BCAS4: variants seen among roughly 807,000 people sequenced by gnomAD.
BCAS4 encodes the protein breast carcinoma-amplified sequence 4.
In BCAS4, 9 loss-of-function variants were observed where a neutral mutation model predicts 15.7. That is an observed-to-expected ratio of 0.57 (90% CI 0.34 to 1.00). BCAS4 has a LOEUF of 1.00. Ranked by LOEUF, BCAS4 falls within the 50% of genes least tolerant of loss-of-function variation. The pLI is 0.02. For synonymous variants in BCAS4, 101 were observed against 99.5 expected, an observed-to-expected ratio of 1.02 and a Z score of -0.09; for missense variants, 225 against 239.1, an observed-to-expected ratio of 0.94 and a Z score of 0.39.
chr20:50,852,624 C>T (rs578087139), intron 4 of BCAS4, among the ~76,000 whole-genome samples: 259 of 152,020 alleles, frequency 1.7e-3, no homozygotes, highest in South Asian at 4.8e-3. Flanking sequence ...CCAAGTGATC[C>T]GCCCATCTTG....
At chr20:50,830,561 G>A (rs1041533693) in intron 3 of BCAS4, among the ~76,000 whole-genome samples, 181 bp downstream of exon 3, 7 of 152,198 alleles carry the variant, frequency 4.6e-5, no homozygotes, top group Admixed American at 6.5e-5. Flanking sequence ...GTAAAAATTT[G>A]TTTCCAGGCC....
At chr20:50,821,708 A>G (rs2088218971) in intron 2 of BCAS4, among the ~76,000 whole-genome samples, 1 of 152,180 alleles carries the variant, frequency 6.6e-6, no homozygotes, top group South Asian at 2.1e-4. Context: ...TGCACGGTTT[A>G]GAGAGAAGCC....
intron 1 of BCAS4, among the ~76,000 whole-genome samples, chr20:50,795,687 T>C (rs145128417): frequency 6.6e-6 from 1 of 152,368 alleles, no homozygotes; most frequent in African/African-American, 2.4e-5. Context: ...CTGTCGACGC[T>C]GTTGTGAAAA....
chr20:50,811,713 C>T (rs2088065358), intron 1 of BCAS4, among the ~76,000 whole-genome samples: 1 of 152,176 alleles, frequency 6.6e-6, no homozygotes. Context: ...ACCTCCAGCT[C>T]CAGAGTTCAA....
intron 3 of BCAS4, among the ~76,000 whole-genome samples, chr20:50,838,367 G>A (rs572368159): frequency 3.0e-4 from 45 of 152,304 alleles, no homozygotes; most frequent in African/African-American, 1.0e-3. Context: ...GCTCCAGAGT[G>A]CCTGCCGGGG....
At chr20:50,853,983 G>T (rs189785061) in intron 4 of BCAS4, among the ~76,000 whole-genome samples, 1 of 152,072 alleles carries the variant, frequency 6.6e-6, no homozygotes, top group South Asian at 2.1e-4. Flanking sequence ...AGCTGTCCCC[G>T]GGGGCAAAAT....
At position 50,836,064 on chromosome 20, in the gene BCAS4, C is replaced by T. The variant is rs141581675; in HGVS notation, c.264+5684C>T. Reference sequence around the variant, plus strand: ...TCCTGAGTAGCTGGGATTACAGGCGCGTGCCACCACACATGGCTAACTTTT... The same window carrying T: ...TCCTGAGTAGCTGGGATTACAGGCGTGTGCCACCACACATGGCTAACTTTT... On this transcript the variant is annotated intron_variant, in intron 3 of 4. Coordinates refer to ENST00000371608, the MANE Select transcript of BCAS4 (RefSeq NM_198799.4). Among the ~76,000 whole-genome samples the T allele has an allele frequency of 9.9e-3, 1,504 of 152,120 alleles. 25 individuals are homozygous for T. Among genetic ancestry groups the T allele is most frequent in the African/African-American group, 0.028 (1,160 of 41,488 alleles).
intron 2 of BCAS4, among the ~76,000 whole-genome samples, chr20:50,819,957 T>G (rs1362272735): frequency 6.6e-6 from 1 of 152,078 alleles, no homozygotes; most frequent in African/African-American, 2.4e-5. Context: ...TTCAAGTGAT[T>G]CTCCTGCCTC....
At chr20:50,809,384 A>G (rs2088033419) in intron 1 of BCAS4, among the ~76,000 whole-genome samples, 1 of 151,642 alleles carries the variant, frequency 6.6e-6, no homozygotes, top group Non-Finnish European at 1.5e-5. Flanking sequence ...TGATTTTTGT[A>G]TTTTAGTAGA....
chr20:50,813,265 C>T (rs972146435), intron 1 of BCAS4, among the ~76,000 whole-genome samples: 2 of 152,222 alleles, frequency 1.3e-5, no homozygotes, highest in African/African-American at 4.8e-5. Flanking sequence ...TCCACATCCT[C>T]GCCAGCCCTC....
intron 3 of BCAS4, among the ~76,000 whole-genome samples, chr20:50,835,110 G>A (rs1238311125): frequency 1.3e-5 from 2 of 152,126 alleles, no homozygotes; most frequent in Admixed American, 6.6e-5. Flanking sequence ...GGAGAGCTAT[G>A]GAAACTCGTT....
intron 3 of BCAS4, chr20:50,840,540 T>G: frequency 4.8e-6 from 7 of 1,472,932 alleles, no homozygotes; most frequent in Non-Finnish European, 6.6e-6. Flanking sequence ...CTTACAGAGT[T>G]AAACAGCTAA....
At chr20:50,869,101 G>A (rs558416051) in intron 4 of BCAS4, among the ~76,000 whole-genome samples, 4 of 152,358 alleles carry the variant, frequency 2.6e-5, no homozygotes, top group African/African-American at 9.6e-5. Flanking sequence ...GTTTTGTAGA[G>A]GAAGAAAGTG....
chr20:50,815,086 C>G (rs147526295), intron 1 of BCAS4, among the ~76,000 whole-genome samples: 1 of 152,230 alleles, frequency 6.6e-6, no homozygotes, highest in African/African-American at 2.4e-5. Flanking sequence ...TTCTGCCAAA[C>G]GGGCCTGATG....
At chr20:50,803,335 C>G (rs2123749235) in intron 1 of BCAS4, among the ~76,000 whole-genome samples, 1 of 152,332 alleles carries the variant, frequency 6.6e-6, no homozygotes, top group African/African-American at 2.4e-5. Flanking sequence ...GCACAGAGTG[C>G]TGAGTGAGAG....
At chr20:50,835,674 C>G (rs531087367) in intron 3 of BCAS4, among the ~76,000 whole-genome samples, 1 of 152,206 alleles carries the variant, frequency 6.6e-6, no homozygotes, top group African/African-American at 2.4e-5. Context: ...AGCTCAGAAG[C>G]AACTGTCACC....
chr20:50,838,312 A>G (rs575014632), intron 3 of BCAS4, among the ~76,000 whole-genome samples: 3 of 152,310 alleles, frequency 2.0e-5, no homozygotes, highest in Admixed American at 6.5e-5. Flanking sequence ...AATAGATAAG[A>G]ATTTCAGAGG....
rs149433489 is a variant in BCAS4 at position 50,876,515 on chromosome 20, C to T, written c.429C>T (p.Tyr143=). The T allele has an allele frequency of 3.2e-4, 515 of 1,613,908 alleles. No individual in the cohort carries two copies. The highest frequency in any genetic ancestry group is 4.2e-4 in the Non-Finnish European group (493 of 1,179,930). ...NKSPAPVPVT[Y]ELPTLYRTED... is the part of the protein sequence containing the mutation. ...CACCTGCACCGGTGCCCGTGACGTACGAGCTGCCCACACTGTATAGGACGG... is the reference window on the plus strand; with the variant it reads ...CACCTGCACCGGTGCCCGTGACGTATGAGCTGCCCACACTGTATAGGACGG... The change falls in exon 5 of 5, where the codon TAC becomes TAT. Residue 143 remains tyrosine, a synonymous_variant. Transcript: ENST00000371608.
At chr20:50,867,775 G>A (rs1376393254) in intron 4 of BCAS4, among the ~76,000 whole-genome samples, 8 of 152,216 alleles carry the variant, frequency 5.3e-5, no homozygotes, top group African/African-American at 7.2e-5. Flanking sequence ...TTAGCCAGGT[G>A]TGGTGGCGCA....
Sources: allele counts gnomAD v4.1 joint callset (sites outside exome capture counted in the v4.1 genomes callset), GRCh38; gene constraint gnomAD v4.1.1; transcripts MANE v1.5; gene names NCBI Gene and HGNC (gene_info 2026-07-23, HGNC 2026-07-21).